Variants in GALNT13 observed in about 807,000 individuals in gnomAD.
The protein encoded by GALNT13 is polypeptide N-acetylgalactosaminyltransferase 13.
A neutral mutation model predicts 64.2 loss-of-function variants in GALNT13; 28 were observed. The observed-to-expected ratio is 0.44, with a 90% confidence interval of 0.32 to 0.60. GALNT13 has a LOEUF of 0.60. Among genes scored for constraint, GALNT13 ranks in the 20% least tolerant of loss-of-function variants. GALNT13 has a pLI of 0.05. For synonymous variants in GALNT13, 214 were observed against 224.6 expected, an observed-to-expected ratio of 0.95 and a Z score of 0.42; for missense variants, 577 against 669.8, an observed-to-expected ratio of 0.86 and a Z score of 1.53.
At chr2:154,445,703 C>A in intron 12 of GALNT13, 1 of 585,338 alleles carries the variant, frequency 1.7e-6, no homozygotes, top group Non-Finnish European at 2.6e-6. Flanking sequence ...AAACATAAAT[C>A]CAATAATTTG....
intron 2 of GALNT13, among the ~76,000 whole-genome samples, chr2:153,907,311 TTA>T (rs1320555714): frequency 6.6e-6 from 1 of 151,624 alleles, no homozygotes; most frequent in Non-Finnish European, 1.5e-5. Flanking sequence ...AATATTAAGA[TTA>T]TATATATACA....
chr2:153,568,175 A>C, the GALNT13 span, among the ~76,000 whole-genome samples: 1 of 152,244 alleles, frequency 6.6e-6, no homozygotes. Flanking sequence ...ATGTTAACGT[A>C]TGAGGCCATA....
At chr2:153,122,265 C>T in the GALNT13 span, among the ~76,000 whole-genome samples, 2 of 151,766 alleles carry the variant, frequency 1.3e-5, no homozygotes, top group East Asian at 3.9e-4. Context: ...GTTAAATGAA[C>T]ATTATGTTAA....
At chr2:153,690,890 A>G in the GALNT13 span, among the ~76,000 whole-genome samples, 6 of 152,124 alleles carry the variant, frequency 3.9e-5, no homozygotes, top group East Asian at 1.2e-3. Context: ...GTAGAATAAT[A>G]CCCTCCAGAC....
At chr2:153,293,828 T>C in the GALNT13 span, among the ~76,000 whole-genome samples, 1 of 151,896 alleles carries the variant, frequency 6.6e-6, no homozygotes, top group African/African-American at 2.4e-5. Context: ...GGTTTTACTC[T>C]GTATCTAGGC....
At position 153,874,083 on chromosome 2, in the gene GALNT13, AC is replaced by A. The variant is rs1255259675; in HGVS notation, c.-177+1786del. On this transcript the variant is annotated intron_variant, in intron 1 of 12. Transcript: ENST00000392825. ...ATTACTAATCTTTCTTTCCCCCCGCACCCCCCTCCCGCAATCTCTGTTTTTT... is the reference window on the plus strand; with the variant it reads ...ATTACTAATCTTTCTTTCCCCCCGCACCCCCTCCCGCAATCTCTGTTTTTT... 4.0e-5 allele frequency among the ~76,000 whole-genome samples: 4 copies of A among 100,176 alleles called. No homozygotes were observed. In the East Asian group the frequency reaches 8.6e-4, roughly 22 times the overall value. 65.7% of individuals were successfully genotyped at this position (100,176 alleles called of 152,430 possible). A position where few individuals can be genotyped will look rare whatever the true frequency, so the allele number is the denominator to read the frequency against.
chr2:153,745,604 A>G, the GALNT13 span, among the ~76,000 whole-genome samples: 10 of 152,202 alleles, frequency 6.6e-5, no homozygotes, highest in African/African-American at 1.9e-4. Context: ...CTGAAATTCT[A>G]GTTTTGGATT....
chr2:153,257,329 C>T, the GALNT13 span, among the ~76,000 whole-genome samples: 1 of 152,024 alleles, frequency 6.6e-6, no homozygotes, highest in Non-Finnish European at 1.5e-5. Flanking sequence ...GGTGCGCGCA[C>T]CCACTGACCT....
the GALNT13 span, among the ~76,000 whole-genome samples, chr2:153,090,588 G>T: frequency 7.2e-4 from 109 of 152,336 alleles, no homozygotes; most frequent in African/African-American, 2.5e-3. Flanking sequence ...CAGCCAGGAG[G>T]TGGTGCTTTC....
chr2:153,491,532 T>G, the GALNT13 span, among the ~76,000 whole-genome samples: 1 of 152,046 alleles, frequency 6.6e-6, no homozygotes, highest in African/African-American at 2.4e-5. Flanking sequence ...ATGGTATTAA[T>G]GAAGGAAGAG....
chr2:153,912,797 G>A (rs1210033491), intron 2 of GALNT13, among the ~76,000 whole-genome samples: 1 of 152,162 alleles, frequency 6.6e-6, no homozygotes, highest in Non-Finnish European at 1.5e-5. Flanking sequence ...AGGCTGAAAT[G>A]TTCCTGAACT....
the GALNT13 span, among the ~76,000 whole-genome samples, chr2:153,451,104 G>A: frequency 6.6e-6 from 1 of 151,936 alleles, no homozygotes; most frequent in Non-Finnish European, 1.5e-5. Flanking sequence ...CCATCAAAAA[G>A]TATTATAATT....
chr2:153,805,953 TATATA>T, the GALNT13 span, among the ~76,000 whole-genome samples: 4 of 152,014 alleles, frequency 2.6e-5, no homozygotes, highest in East Asian at 7.7e-4. Context: ...TATATAAACA[TATATA>T]ATATAGTGTG....
the GALNT13 span, among the ~76,000 whole-genome samples, chr2:153,771,915 C>T: frequency 1.3e-5 from 2 of 152,148 alleles, no homozygotes; most frequent in Admixed American, 1.3e-4. Flanking sequence ...GTGAGCAGGA[C>T]TAGAGTGGGG....
the GALNT13 span, among the ~76,000 whole-genome samples, chr2:153,502,538 T>A: frequency 6.6e-6 from 1 of 152,238 alleles, no homozygotes; most frequent in Non-Finnish European, 1.5e-5. Flanking sequence ...CAAATTGTGC[T>A]GCTATAAACT....
the GALNT13 span, among the ~76,000 whole-genome samples, chr2:153,796,890 G>T: frequency 2.0e-5 from 3 of 152,002 alleles, no homozygotes; most frequent in African/African-American, 4.8e-5. Context: ...TAATTTCCAC[G>T]GATAAATGTA....
intron 3 of GALNT13, among the ~76,000 whole-genome samples, chr2:154,004,994 G>A (rs10205789): frequency 0.2 from 30,625 of 151,924 alleles, 4,030 homozygotes; most frequent in Middle Eastern, 0.33. Flanking sequence ...TTTAATAAGG[G>A]CTCAATATAA....
the GALNT13 span, among the ~76,000 whole-genome samples, chr2:153,092,107 T>C: frequency 5.3e-5 from 8 of 152,290 alleles, no homozygotes; most frequent in Non-Finnish European, 1.2e-4. Flanking sequence ...ACTGTCTTTT[T>C]TGCAGTGTAT....
intron 1 of GALNT13, among the ~76,000 whole-genome samples, chr2:153,892,055 T>C (rs1225956652): frequency 6.6e-6 from 1 of 152,018 alleles, no homozygotes; most frequent in Non-Finnish European, 1.5e-5. Flanking sequence ...AAAATTATTC[T>C]ATTTTCTGTG....
Sources: gnomAD v4.1 joint callset for allele counts (sites outside exome capture counted in the v4.1 genomes callset) on GRCh38, gnomAD v4.1.1 for gene constraint, MANE v1.5 for transcripts, NCBI Gene and HGNC (gene_info 2026-07-23, HGNC 2026-07-21) for gene names.